The following FZD8 variants were observed in gnomAD, a reference collection of about 807,000 sequenced individuals.
FZD8 encodes the protein frizzled-8.
Under a neutral mutation model 46.0 loss-of-function variants are expected in FZD8, and 18 were observed. The observed-to-expected ratio is 0.39, with a 90% CI of 0.27 to 0.58. FZD8 has a LOEUF of 0.58. FZD8 is among the 20% of genes least tolerant of loss of function. The pLI is 0.55. For missense variants in FZD8, 785 were observed against 983.4 expected (o/e 0.80, Z 2.70); for synonymous variants, 586 against 467.9 (o/e 1.25, Z -3.26).
chr10:35,641,509 G>A lies in FZD8; in HGVS notation c.-80C>T, dbSNP rs1835862636. The stretch of plus-strand genomic sequence containing the variant: ...CGGGGGGGGGGCCCACGAGAGAGCC[G>A]CAGACGGGTACAGCGGGTGATCTGG... On this transcript the variant is annotated 5_prime_UTR_variant, in exon 1 of 1. Coordinates refer to ENST00000374694, the MANE Select transcript of FZD8 (RefSeq NM_031866.3). This position sits in a 1 kb window ranked among gnomAD's most constrained non-coding sequence, Gnocchi z 6.3. The A allele has an allele frequency of 1.3e-6, 2 of 1,482,144 alleles. No individual in the cohort carries two copies. The highest frequency in any genetic ancestry group is 1.8e-6 in the Non-Finnish European group (2 of 1,122,134). 91.8% of individuals were successfully genotyped at this position (1,482,144 alleles called of 1,614,324 possible).
chr10:35,641,579 T>A lies in FZD8; in HGVS notation c.-150A>T. 9.5e-7 allele frequency: 1 copy of A among 1,054,948 alleles called. No individual in the cohort carries two copies. Among genetic ancestry groups the A allele is most frequent in the Non-Finnish European group, 1.3e-6 (1 of 754,282 alleles). The allele number at this position is 1,054,948 out of a possible 1,614,324, so 65.3% of individuals were successfully genotyped here. A position where few individuals can be genotyped will look rare whatever the true frequency, so the allele number is the denominator to read the frequency against. On this transcript the variant is annotated 5_prime_UTR_variant, in exon 1 of 1. Coordinates refer to ENST00000374694, the MANE Select transcript of FZD8 (RefSeq NM_031866.3). This position sits in a 1 kb window ranked among gnomAD's most constrained non-coding sequence, Gnocchi z 6.3. ...CCGGGAGGGGGGTCTGCCGATAATCTAACCCCTTCTAGGGGCGCGTCCGCA... is the reference window on the plus strand; with the variant it reads ...CCGGGAGGGGGGTCTGCCGATAATCAAACCCCTTCTAGGGGCGCGTCCGCA...
At position 35,639,823 on chromosome 10, in the gene FZD8, A is replaced by T; in HGVS notation, c.1607T>A (p.Phe536Tyr). Residue 536 changes from phenylalanine (F) to tyrosine (Y), a missense_variant, in exon 1 of 1, where the codon TTC becomes TAC. Physicochemically the swap from Phe to Tyr is conservative, Grantham distance 22. This residue lies in a region of FZD8 where 147 missense variants were observed against 242.5 expected (regional missense o/e 0.61). Coordinates refer to ENST00000374694, the MANE Select transcript of FZD8 (RefSeq NM_031866.3). Reference sequence around the variant, plus strand: ...GGCGGGCACGGTGTAGAGCACGGTGAACAGGCCCAGGCGGATCATCAGCTT... The same window carrying T: ...GGCGGGCACGGTGTAGAGCACGGTGTACAGGCCCAGGCGGATCATCAGCTT... ...LEKLMIRLGL[F>Y]TVLYTVPAAV... 6.8e-7 allele frequency: 1 copy of T among 1,480,010 alleles called. No homozygotes were observed. The highest frequency in any genetic ancestry group is 9.0e-7 in the Non-Finnish European group (1 of 1,113,288). The allele number at this position is 1,480,010 out of a possible 1,614,324, so 91.7% of individuals were successfully genotyped here.
chr10:35,641,523 C>G lies in FZD8; in HGVS notation c.-94G>C. 1 of 1,459,656 alleles carries G rather than the reference C, an allele frequency of 6.9e-7. No individual in the cohort carries two copies. Among genetic ancestry groups the G allele is most frequent in the Non-Finnish European group, 9.0e-7 (1 of 1,109,784 alleles). 90.4% of individuals were successfully genotyped at this position (1,459,656 alleles called of 1,614,324 possible). Reference sequence around the variant, plus strand: ...ACGAGAGAGCCGCAGACGGGTACAGCGGGTGATCTGGGGTCTCCCTTATGC... The same window carrying G: ...ACGAGAGAGCCGCAGACGGGTACAGGGGGTGATCTGGGGTCTCCCTTATGC... On this transcript the variant is annotated 5_prime_UTR_variant, in exon 1 of 1. Coordinates refer to ENST00000374694, the MANE Select transcript of FZD8 (RefSeq NM_031866.3). This position sits in a 1 kb window ranked among gnomAD's most constrained non-coding sequence, Gnocchi z 6.3.
At position 35,641,274 on chromosome 10, in the gene FZD8, G is replaced by A; in HGVS notation, c.156C>T (p.Tyr52=). 1 of 1,614,076 alleles carries A rather than the reference G, an allele frequency of 6.2e-7. No homozygotes were observed. Among genetic ancestry groups the A allele is most frequent in the Non-Finnish European group, 8.5e-7 (1 of 1,179,952 alleles). Residue 52 remains tyrosine, a synonymous_variant, in exon 1 of 1, where the codon TAC becomes TAT. Coordinates refer to ENST00000374694, the MANE Select transcript of FZD8 (RefSeq NM_031866.3). This position sits in a 1 kb window ranked among gnomAD's most constrained non-coding sequence, Gnocchi z 6.3. ...LCKGIGYNYT[Y]MPNQFNHDTQ... Reference sequence around the variant, plus strand: ...TGTCGTGGTTGAACTGATTGGGCATGTAGGTGTAGTTGTAGCCGATGCCCT... The same window carrying A: ...TGTCGTGGTTGAACTGATTGGGCATATAGGTGTAGTTGTAGCCGATGCCCT...
Position 35,641,525 on chromosome 10 carries a change from G to A in FZD8, c.-96C>T. The A allele has an allele frequency of 1.4e-6, 2 of 1,446,088 alleles. No homozygotes were observed. Among genetic ancestry groups the A allele is most frequent in the East Asian group, 2.5e-5 (1 of 40,606 alleles). 89.6% of individuals were successfully genotyped at this position (1,446,088 alleles called of 1,614,324 possible). On this transcript the variant is annotated 5_prime_UTR_variant, in exon 1 of 1. Coordinates refer to ENST00000374694, the MANE Select transcript of FZD8 (RefSeq NM_031866.3). The surrounding 1 kb of genome is among the most constrained non-coding windows in gnomAD (Gnocchi z 6.3). Reference sequence around the variant, plus strand: ...GAGAGAGCCGCAGACGGGTACAGCGGGTGATCTGGGGTCTCCCTTATGCTT... The same window carrying A: ...GAGAGAGCCGCAGACGGGTACAGCGAGTGATCTGGGGTCTCCCTTATGCTT...
chr10:35,640,098 G>A lies in FZD8; in HGVS notation c.1332C>T (p.Ala444=), dbSNP rs1200261654. 2 of 1,611,984 alleles carry A rather than the reference G, an allele frequency of 1.2e-6. No homozygotes were observed. Reference sequence around the variant, plus strand: ...ACTTGACGCTGGGCACAAGCCACGCGGCCAGGTGGAAGTACTGCGAGTAGC... The same window carrying A: ...ACTTGACGCTGGGCACAAGCCACGCAGCCAGGTGGAAGTACTGCGAGTAGC... ...IAGYSQYFHL[A]AWLVPSVKSI... The change falls in exon 1 of 1, where the codon GCC becomes GCT. Residue 444 remains alanine (A), a synonymous_variant. Coordinates refer to ENST00000374694, the MANE Select transcript of FZD8 (RefSeq NM_031866.3).
rs1835816368 is a variant in FZD8 at position 35,639,491 on chromosome 10, C to A, written c.1939G>T (p.Gly647Cys). 2 of 979,706 alleles carry A rather than the reference C, an allele frequency of 2.0e-6. No homozygotes were observed. The highest frequency in any genetic ancestry group is 2.4e-6 in the Non-Finnish European group (2 of 825,356). 60.7% of individuals were successfully genotyped at this position (979,706 alleles called of 1,614,324 possible). The change falls in exon 1 of 1, where the codon GGC becomes TGC. Residue 647 changes from glycine (G) to cysteine (C), a missense_variant. Transcript: ENST00000374694. ...CCGCCGCCGGGTCCCCCGCCGCCGC[C>A]GCCCCCCGGCCCGCCGCCACCCCCC... ...AAGGGGGPGG[G>C]GGGGPGGGGG...
rs1835811786 is a variant in FZD8, at chr10:35,639,332, C to T, written c.*13G>A. 2 of 1,359,716 alleles carry T rather than the reference C, an allele frequency of 1.5e-6. No homozygotes were observed. Among genetic ancestry groups the T allele is most frequent in the African/African-American group, 1.5e-5 (1 of 65,556 alleles). The allele number at this position is 1,359,716 out of a possible 1,614,324, so 84.2% of individuals were successfully genotyped here. A position where few individuals can be genotyped will look rare whatever the true frequency, so the allele number is the denominator to read the frequency against. On this transcript the variant is annotated 3_prime_UTR_variant, in exon 1 of 1. Transcript: ENST00000374694. Reference sequence around the variant, plus strand: ...CCCCTCCCCACCCCTCCTGGGCGCCCCCTCCCCTCCGCTCAGACCTGGGAC... The same window carrying T: ...CCCCTCCCCACCCCTCCTGGGCGCCTCCTCCCCTCCGCTCAGACCTGGGAC...
Position 35,639,279 on chromosome 10 carries a change from C to A in FZD8, c.*66G>T. On this transcript the variant is annotated 3_prime_UTR_variant, in exon 1 of 1. Coordinates refer to ENST00000374694, the MANE Select transcript of FZD8 (RefSeq NM_031866.3). ...GTGGGAACCTCAGCCCATCAAGTGT[C>A]CCTTCGCTGCACTTGGCTCTCCTCG... is the stretch of plus-strand genomic sequence containing the variant. 1 of 821,040 alleles carries A rather than the reference C, an allele frequency of 1.2e-6. No homozygotes were observed. Among genetic ancestry groups the A allele is most frequent in the South Asian group, 1.9e-5 (1 of 52,136 alleles). 50.9% of individuals were successfully genotyped at this position (821,040 alleles called of 1,614,324 possible). A position where few individuals can be genotyped will look rare whatever the true frequency, so the allele number is the denominator to read the frequency against.
chr10:35,641,309 G>C lies in FZD8; in HGVS notation c.121C>G (p.Pro41Ala), dbSNP rs1835856222. 1 of 1,613,860 alleles carries C rather than the reference G, an allele frequency of 6.2e-7. No individual in the cohort carries two copies. The highest frequency in any genetic ancestry group is 1.3e-5 in the African/African-American group (1 of 74,936). ...KELACQEITV[P>A]LCKGIGYNYT... ...TTGTAGCCGATGCCCTTACACAGCG[G>C]CACGGTGATCTCTTGGCATGCCAGC... The change falls in exon 1 of 1, where the codon CCG becomes GCG. Residue 41 changes from proline to alanine, a missense_variant. This residue lies in a region of FZD8 where 354 missense variants were observed against 433.2 expected (regional missense o/e 0.82). Coordinates refer to ENST00000374694, the MANE Select transcript of FZD8 (RefSeq NM_031866.3). The surrounding 1 kb of genome is among the most constrained non-coding windows in gnomAD (Gnocchi z 6.3).
Position 35,640,960 on chromosome 10 carries a change from G to GC in FZD8, c.469_470insG (p.Thr157SerfsTer103). 1 of 1,563,626 alleles carries GC rather than the reference G, an allele frequency of 6.4e-7. No individual in the cohort carries two copies. The highest frequency in any genetic ancestry group is 8.6e-7 in the Non-Finnish European group (1 of 1,157,756). ...GCGCGGCGGGCTGGGCGCGGCGGTGGTTAGGTCGGTGCGGTTGTAGTCCAT... is the reference window on the plus strand; with the variant it reads ...GCGCGGCGGGCTGGGCGCGGCGGTGGCTTAGGTCGGTGCGGTTGTAGTCCAT... On this transcript the variant is annotated frameshift_variant, in exon 1 of 1. Coordinates refer to ENST00000374694, the MANE Select transcript of FZD8 (RefSeq NM_031866.3). LOFTEE classifies it high-confidence loss of function.
Position 35,640,179 on chromosome 10 carries a change from C to T in FZD8, c.1251G>A (p.Leu417=), listed in dbSNP as rs1588705937. The part of the protein sequence containing the change: ...GMASSIWWVI[L]SLTWFLAAGM... ...CGGCCGCCAGGAACCATGTGAGCGA[C>T]AAGATCACCCACCAGATGGAGCTGG... is the stretch of plus-strand genomic sequence containing the variant. Residue 417 remains leucine (L), a synonymous_variant, in exon 1 of 1, where the codon TTG becomes TTA. Coordinates refer to ENST00000374694, the MANE Select transcript of FZD8 (RefSeq NM_031866.3). The T allele has an allele frequency of 6.2e-7, 1 of 1,613,318 alleles. No individual in the cohort carries two copies. Among genetic ancestry groups the T allele is most frequent in the Non-Finnish European group, 8.5e-7 (1 of 1,179,850 alleles).
rs12653 is a variant in FZD8, at chr10:35,638,655, A to C, written c.*690T>G. 16 of 152,640 alleles carry C rather than the reference A, an allele frequency of 1.0e-4. No individual in the cohort carries two copies. Among genetic ancestry groups the C allele is most frequent in the Admixed American group, 8.5e-4 (13 of 15,308 alleles). The allele number at this position is 152,640 out of a possible 1,614,324, so 9.5% of individuals were successfully genotyped here. The stretch of plus-strand genomic sequence containing the variant: ...ATTTTATTGACAAAATAGAATACTT[A>C]TATCTGTTCTTACAGGGGTAAGCCT... On this transcript the variant is annotated 3_prime_UTR_variant, in exon 1 of 1. Transcript: ENST00000374694.
Position 35,639,663 on chromosome 10 carries a change from C to T in FZD8, c.1767G>A (p.Lys589=), listed in dbSNP as rs1183405170. ...TGCCCACCACTAGGCACATGAAGTA[C>T]TTGAGCATGAAGACGGCGTAGTCGG... ...RRPDYAVFML[K]YFMCLVVGIT... Residue 589 remains lysine (K), a synonymous_variant, in exon 1 of 1, where the codon AAG becomes AAA. Transcript: ENST00000374694. 6.3e-7 allele frequency: 1 copy of T among 1,599,092 alleles called. No homozygotes were observed.
In FZD8 at chr10:35,638,389, C is replaced by T. The variant is rs1336309540; in HGVS notation, c.*956G>A. On this transcript the variant is annotated 3_prime_UTR_variant, in exon 1 of 1. Coordinates refer to ENST00000374694, the MANE Select transcript of FZD8 (RefSeq NM_031866.3). ...ATCAGAAAAGAGCTCCCATGAAAAA[C>T]ACCGTCTTTGGGGAAGGTGCAAAAA... 6.8e-6 allele frequency: 1 copy of T among 146,702 alleles called. No homozygotes were observed. The highest frequency in any genetic ancestry group is 1.5e-5 in the Non-Finnish European group (1 of 66,420). 9.1% of individuals were successfully genotyped at this position (146,702 alleles called of 1,614,324 possible). A position where few individuals can be genotyped will look rare whatever the true frequency, so the allele number is the denominator to read the frequency against.
rs1554808066 is a variant in FZD8 at position 35,641,490 on chromosome 10, G to GT, written c.-62_-61insA. On this transcript the variant is annotated 5_prime_UTR_variant, in exon 1 of 1. Coordinates refer to ENST00000374694, the MANE Select transcript of FZD8 (RefSeq NM_031866.3). The surrounding 1 kb of genome is among the most constrained non-coding windows in gnomAD (Gnocchi z 6.3). Reference sequence around the variant, plus strand: ...GCGGCGCGCAGAGGGGTGCCGGGGGGGGGGCCCACGAGAGAGCCGCAGACG... The same window carrying GT: ...GCGGCGCGCAGAGGGGTGCCGGGGGGTGGGGCCCACGAGAGAGCCGCAGACG... 13 of 1,512,546 alleles carry GT rather than the reference G, an allele frequency of 8.6e-6. No homozygotes were observed. The highest frequency in any genetic ancestry group is 7.0e-5 in the East Asian group (3 of 42,766). 93.7% of individuals were successfully genotyped at this position (1,512,546 alleles called of 1,614,324 possible).
In FZD8 at chr10:35,640,342, G is replaced by GCGC; in HGVS notation, c.1087_1088insGCG (p.Ala362_Ala363insGly). On this transcript the variant is annotated inframe_insertion, in exon 1 of 1. Transcript: ENST00000374694. ...GCCCGGGCCGCCCGCGCCCGCGCCC[G>GCGC]CCGCGCCCGCGCCCGCCGCCGCGCC... The GCGC allele has an allele frequency of 1.0e-6, 1 of 964,974 alleles. No individual in the cohort carries two copies. The highest frequency in any genetic ancestry group is 4.6e-5 in the South Asian group (1 of 21,522). 59.8% of individuals were successfully genotyped at this position (964,974 alleles called of 1,614,324 possible).
At position 35,640,790 on chromosome 10, in the gene FZD8, C is replaced by T. The variant is rs954097333; in HGVS notation, c.640G>A (p.Gly214Ser). 3.6e-6 allele frequency: 4 copies of T among 1,097,542 alleles called. No homozygotes were observed. Among genetic ancestry groups the T allele is most frequent in the African/African-American group, 1.7e-5 (1 of 59,346 alleles). 68.0% of individuals were successfully genotyped at this position (1,097,542 alleles called of 1,614,324 possible). ...CCAGGGGGCCGCGCCTTCCCGCCACCGCCGCCGCCGCGAGCTGGGGGCGCC... is the reference window on the plus strand; with the variant it reads ...CCAGGGGGCCGCGCCTTCCCGCCACTGCCGCCGCCGCGAGCTGGGGGCGCC... ...AAAPPARGGG[G>S]GGKARPPGGG... The change falls in exon 1 of 1, where the codon GGT (glycine) becomes AGT (serine). Residue 214 changes from glycine to serine, a missense_variant. Coordinates refer to ENST00000374694, the MANE Select transcript of FZD8 (RefSeq NM_031866.3).
Position 35,639,701 on chromosome 10 carries a change from G to T in FZD8, c.1729C>A (p.Gln577Lys). Reference sequence around the variant, plus strand: ...ACGGCGTAGTCGGGCCTGCGTGCCTGGTCGGGCTGCAGGTCCCGCAGGCAC... The same window carrying T: ...ACGGCGTAGTCGGGCCTGCGTGCCTTGTCGGGCTGCAGGTCCCGCAGGCAC... The part of the protein sequence containing the change: ...CPCLRDLQPD[Q>K]ARRPDYAVFM... Residue 577 changes from glutamine to lysine, a missense_variant, in exon 1 of 1, where the codon CAG (glutamine) becomes AAG (lysine). This residue lies in a region of FZD8 where 185 missense variants were observed against 180.8 expected (regional missense o/e 1.02). Coordinates refer to ENST00000374694, the MANE Select transcript of FZD8 (RefSeq NM_031866.3). 1 of 1,599,570 alleles carries T rather than the reference G, an allele frequency of 6.3e-7. No homozygotes were observed.
Sources: allele counts gnomAD v4.1 joint callset, GRCh38; gene constraint gnomAD v4.1.1; regional missense constraint gnomAD v4.1.1; non-coding constraint Gnocchi (gnomAD v3.1); transcripts MANE v1.5; gene names NCBI Gene and HGNC (gene_info 2026-07-23, HGNC 2026-07-21).